Variants in PIAS2 observed in about 807,000 individuals in gnomAD.
The protein encoded by PIAS2 is protein inhibitor of activated STAT 2, also known as E3 SUMO-protein ligase PIAS2.
PIAS2 carries 19 observed loss-of-function variants against 69.7 expected under a neutral mutation model. The ratio of observed to expected loss-of-function variants is 0.27; its 90% CI spans 0.19 to 0.40. The LOEUF (loss-of-function observed/expected upper bound fraction) is 0.40, where lower values mean the gene tolerates loss of function less well. Among genes scored for constraint, PIAS2 ranks in the 10% least tolerant of loss-of-function variants. The pLI, the probability that PIAS2 is intolerant of heterozygous loss-of-function variation, is 1.00. For missense variants in PIAS2, 624 were observed against 757.0 expected (o/e 0.82, Z 2.06); for synonymous variants, 261 against 263.2 (o/e 0.99, Z 0.08).
At chr18:46,898,141 T>C (rs1384759147) in intron 1 of PIAS2, among the ~76,000 whole-genome samples, 1 of 151,880 alleles carries the variant, frequency 6.6e-6, no homozygotes, top group Non-Finnish European at 1.5e-5. Context: ...AGGTGTGAGC[T>C]ACTACACCAA....
chr18:46,870,337 C>T (rs941746899), intron 2 of PIAS2, among the ~76,000 whole-genome samples: 3 of 152,016 alleles, frequency 2.0e-5, no homozygotes, highest in Non-Finnish European at 2.9e-5. Context: ...AACTCAAGAC[C>T]GGGTGCAGTG....
At chr18:46,885,993 A>C (rs1005616339) in intron 2 of PIAS2, among the ~76,000 whole-genome samples, 2 of 152,216 alleles carry the variant, frequency 1.3e-5, no homozygotes, top group Non-Finnish European at 2.9e-5. Context: ...AAGTAAGAAA[A>C]TTTCTAGTTC....
rs371726494 is a variant in PIAS2, at chr18:46,896,542, G to A, written c.25-5488C>T. ...AAAAGCCAGGGAGTAAAATACATAC[G>A]TGTTAGAAGACAAATATAGAAAAAT... is the stretch of plus-strand genomic sequence containing the variant. On this transcript the variant is annotated intron_variant, in intron 1 of 13. Transcript: ENST00000585916. 1.1e-4 allele frequency among the ~76,000 whole-genome samples: 17 copies of A among 152,288 alleles called. No homozygotes were observed. The East Asian group carries it at 2.7e-3, about 24-fold the overall frequency.
At chr18:46,917,223 C>T (rs1172393078) in intron 1 of PIAS2, 99 bp downstream of exon 1, 3 of 1,385,234 alleles carry the variant, frequency 2.2e-6, no homozygotes, top group Non-Finnish European at 2.9e-6. Context: ...CGCCAACCGG[C>T]CCCAGAGGCA....
At chr18:46,822,378 G>C (rs1268794763) in intron 11 of PIAS2, among the ~76,000 whole-genome samples, 2 of 152,148 alleles carry the variant, frequency 1.3e-5, no homozygotes, top group African/African-American at 4.8e-5. Flanking sequence ...TAATATGCTT[G>C]AGGCAATAAC....
At chr18:46,919,800 C>G (rs1365419207), upstream of PIAS2, among the ~76,000 whole-genome samples, 1 of 152,194 alleles carries the variant, frequency 6.6e-6, no homozygotes, top group East Asian at 1.9e-4. Context: ...CTAAATCTGT[C>G]TCTCCACCAT....
intron 2 of PIAS2, among the ~76,000 whole-genome samples, chr18:46,888,295 A>G (rs1361469300): frequency 6.6e-6 from 1 of 152,118 alleles, no homozygotes; most frequent in African/African-American, 2.4e-5. Flanking sequence ...GAAAGACTTA[A>G]TATTGCTAAG....
intron 1 of PIAS2, among the ~76,000 whole-genome samples, chr18:46,905,480 GAA>G (rs945178088): frequency 6.6e-6 from 1 of 151,866 alleles, no homozygotes; most frequent in African/African-American, 2.4e-5. Flanking sequence ...GAAAAGAAAA[GAA>G]GAGCAAAAAT....
chr18:46,909,556 C>A (rs1433851023), intron 1 of PIAS2, among the ~76,000 whole-genome samples: 1 of 152,142 alleles, frequency 6.6e-6, no homozygotes, highest in East Asian at 1.9e-4. Context: ...CCGATAAAAC[C>A]TTTTGAAGTG....
intron 1 of PIAS2, among the ~76,000 whole-genome samples, chr18:46,897,891 A>G (rs2055147978): frequency 6.7e-6 from 1 of 149,526 alleles, no homozygotes; most frequent in Non-Finnish European, 1.5e-5. Flanking sequence ...TTTTTTTTTG[A>G]GACAGGATCT....
chr18:46,883,531 C>A (rs2052641307), intron 2 of PIAS2, among the ~76,000 whole-genome samples: 1 of 151,974 alleles, frequency 6.6e-6, no homozygotes, highest in Non-Finnish European at 1.5e-5. Flanking sequence ...AGAGAGACCT[C>A]CTCTCCACAA....
At chr18:46,898,150 A>G (rs1400044561) in intron 1 of PIAS2, among the ~76,000 whole-genome samples, 2 of 152,056 alleles carry the variant, frequency 1.3e-5, no homozygotes, top group East Asian at 1.9e-4. Flanking sequence ...CTACTACACC[A>G]AGGCAATATA....
upstream of PIAS2, among the ~76,000 whole-genome samples, chr18:46,918,461 TTTG>T (rs1174175202): frequency 6.6e-6 from 1 of 152,150 alleles, no homozygotes; most frequent in East Asian, 1.9e-4. Context: ...CCCCGCAAGT[TTTG>T]TTTTTTTGAG....
chr18:46,857,426 G>A (rs987848656), intron 3 of PIAS2, among the ~76,000 whole-genome samples: 6 of 152,156 alleles, frequency 3.9e-5, no homozygotes, highest in African/African-American at 1.4e-4. Flanking sequence ...GAAAGTTCAA[G>A]GTCATTATCA....
chr18:46,815,751 C>A, intron 12 of PIAS2: 1 of 1,002,012 alleles, frequency 1.0e-6, no homozygotes, highest in Non-Finnish European at 1.2e-6. Context: ...TTCAGAAATA[C>A]AGAGGTTCAT....
Position 46,828,078 on chromosome 18 carries a change from G to A in PIAS2, c.1389C>T (p.Ser463=). 12 of 1,613,566 alleles carry A rather than the reference G, an allele frequency of 7.4e-6. No homozygotes were observed. Among genetic ancestry groups the A allele is most frequent in the Non-Finnish European group, 1.0e-5 (12 of 1,179,750 alleles). ...PCSVTVASEA[S]KKKVDVIDLT... ...GATCAATAACATCTACTTTCTTCTT[G>A]CTTGCCTCACTGGCTACAGTCACTG... The change falls in exon 11 of 14, where the codon AGC becomes AGT. Residue 463 remains serine (S), a synonymous_variant. Transcript: ENST00000585916.
At chr18:46,827,792 T>G in intron 11 of PIAS2, 167 bp downstream of exon 11, 1 of 516,696 alleles carries the variant, frequency 1.9e-6, no homozygotes, top group East Asian at 2.9e-5. Flanking sequence ...CCATCAAAAT[T>G]TGCTTCCTAT....
chr18:46,880,153 T>A (rs2051973179), intron 2 of PIAS2, among the ~76,000 whole-genome samples: 2 of 151,308 alleles, frequency 1.3e-5, no homozygotes, highest in South Asian at 4.2e-4. Flanking sequence ...CCCAGCACTT[T>A]GGAAGGCCGA....
chr18:46,870,349 C>T (rs894808483), intron 2 of PIAS2, among the ~76,000 whole-genome samples: 63 of 152,158 alleles, frequency 4.1e-4, no homozygotes, highest in Non-Finnish European at 7.8e-4. Flanking sequence ...GGTGCAGTGG[C>T]TCAAGCCTGT....
Sources: gnomAD v4.1 joint callset for allele counts (sites outside exome capture counted in the v4.1 genomes callset) on GRCh38, gnomAD v4.1.1 for gene constraint, MANE v1.5 for transcripts, NCBI Gene and HGNC (gene_info 2026-07-23, HGNC 2026-07-21) for gene names.